The following ANTXR1 variants were observed in gnomAD, a reference collection of about 807,000 sequenced individuals.
ANTXR1 encodes the protein anthrax toxin receptor 1.
Under a neutral mutation model 78.1 loss-of-function variants are expected in ANTXR1, and 19 were observed. The observed-to-expected ratio is 0.24, with a 90% CI of 0.17 to 0.36. The LOEUF (loss-of-function observed/expected upper bound fraction) is 0.36, where lower values mean the gene tolerates loss of function less well. Ranked by LOEUF, ANTXR1 falls within the 10% of genes least tolerant of loss-of-function variation. The pLI is 1.00. For missense variants in ANTXR1, 518 were observed against 718.6 expected (o/e 0.72, Z 3.19); for synonymous variants, 273 against 260.5 (o/e 1.05, Z -0.46).
intron 12 of ANTXR1, among the ~76,000 whole-genome samples, chr2:69,144,970 G>A (rs1217828309): frequency 3.3e-5 from 5 of 152,192 alleles, no homozygotes; most frequent in Admixed American, 3.3e-4. Context: ...ACTGTCGTGG[G>A]GGCAATAAAG....
intron 14 of ANTXR1, among the ~76,000 whole-genome samples, chr2:69,176,158 T>C (rs1349579919): frequency 6.6e-6 from 1 of 151,134 alleles, no homozygotes; most frequent in African/African-American, 2.4e-5. Flanking sequence ...CCGTATTCTA[T>C]GTTTTAATAC....
intron 8 of ANTXR1, among the ~76,000 whole-genome samples, chr2:69,081,562 C>T (rs983120497): frequency 6.6e-6 from 1 of 152,156 alleles, no homozygotes; most frequent in Non-Finnish European, 1.5e-5. Context: ...TACTTTGGAA[C>T]CAGACATTAT....
At chr2:69,094,720 A>T (rs1240986547) in intron 9 of ANTXR1, among the ~76,000 whole-genome samples, 2 of 152,316 alleles carry the variant, frequency 1.3e-5, no homozygotes, top group East Asian at 3.9e-4. Context: ...CTGACAGCAA[A>T]CTGAGCTCTG....
intron 17 of ANTXR1, among the ~76,000 whole-genome samples, chr2:69,215,837 C>T (rs1168169780): frequency 6.6e-6 from 1 of 152,250 alleles, no homozygotes; most frequent in African/African-American, 2.4e-5. Context: ...TCAAATTCTT[C>T]ACTTGGCTAC....
intron 9 of ANTXR1, among the ~76,000 whole-genome samples, 199 bp downstream of exon 9, chr2:69,091,118 TAAAAAAA>T (rs199910182): frequency 7.2e-6 from 1 of 138,964 alleles, no homozygotes; most frequent in Non-Finnish European, 1.6e-5. Context: ...GTTTGGAAGT[TAAAAAAA>T]AAAAAAAAAA....
chr2:69,244,508 G>A (rs1384098148), intron 17 of ANTXR1, among the ~76,000 whole-genome samples: 1 of 152,200 alleles, frequency 6.6e-6, no homozygotes, highest in African/African-American at 2.4e-5. Context: ...TGAGGAAGCT[G>A]TATTGATCAC....
At chr2:69,233,312 A>G (rs549830236) in intron 17 of ANTXR1, among the ~76,000 whole-genome samples, 1 of 152,158 alleles carries the variant, frequency 6.6e-6, no homozygotes, top group South Asian at 2.1e-4. Flanking sequence ...GCTCACAACA[A>G]AAGAAACATG....
At chr2:69,142,206 G>A (rs1224025841) in intron 12 of ANTXR1, among the ~76,000 whole-genome samples, 1 of 152,178 alleles carries the variant, frequency 6.6e-6, no homozygotes, top group African/African-American at 2.4e-5. Flanking sequence ...AGACCATGGA[G>A]GGGAATTGAG....
intron 10 of ANTXR1, among the ~76,000 whole-genome samples, chr2:69,106,750 C>T (rs1671819741): frequency 6.6e-6 from 1 of 152,224 alleles, no homozygotes; most frequent in Non-Finnish European, 1.5e-5. Flanking sequence ...CTGTGGGAGT[C>T]TTCCACATAG....
At chr2:69,060,567 A>G (rs1670203832) in intron 3 of ANTXR1, among the ~76,000 whole-genome samples, 1 of 152,220 alleles carries the variant, frequency 6.6e-6, no homozygotes, top group Admixed American at 6.5e-5. Flanking sequence ...AGAAGGAGAG[A>G]GTATGGTGTA....
chr2:69,125,737 A>G (rs769711372), intron 12 of ANTXR1, among the ~76,000 whole-genome samples: 1 of 152,120 alleles, frequency 6.6e-6, no homozygotes, highest in Non-Finnish European at 1.5e-5. Flanking sequence ...GCTACTCAGG[A>G]GGCTGAGATG....
At chr2:69,159,475 T>C (rs908020958) in intron 13 of ANTXR1, among the ~76,000 whole-genome samples, 6 of 152,050 alleles carry the variant, frequency 3.9e-5, no homozygotes, top group African/African-American at 1.2e-4. Context: ...ACTACTAAAC[T>C]GTACACTTAA....
At chr2:69,062,242 T>C (rs1202693275) in intron 3 of ANTXR1, among the ~76,000 whole-genome samples, 1 of 152,198 alleles carries the variant, frequency 6.6e-6, no homozygotes, top group Admixed American at 6.5e-5. Context: ...CAGCCTAAGT[T>C]ATCCCCCCTC....
intron 17 of ANTXR1, among the ~76,000 whole-genome samples, chr2:69,229,758 GA>G (rs1368737434): frequency 6.2e-5 from 9 of 145,548 alleles, no homozygotes; most frequent in African/African-American, 2.3e-4. Context: ...TTTAATCTTA[GA>G]AAAGTGCATT....
intron 13 of ANTXR1, among the ~76,000 whole-genome samples, chr2:69,166,361 G>A (rs569306502): frequency 7.2e-5 from 11 of 152,274 alleles, no homozygotes; most frequent in African/African-American, 2.2e-4. Flanking sequence ...GCAGTTTCAA[G>A]AAATTCTCAG....
Position 69,096,257 on chromosome 2 carries a change from A to AAAGGAAGGAAGGAAGG in ANTXR1, c.703+5355_703+5370dup, listed in dbSNP as rs201497715. 2.6e-4 allele frequency among the ~76,000 whole-genome samples: 13 copies of AAAGGAAGGAAGGAAGG among 50,234 alleles called. 5 individuals carry two copies. Among genetic ancestry groups the AAAGGAAGGAAGGAAGG allele is most frequent in the Middle Eastern group, 7.5e-3 (1 of 134 alleles). The allele number at this position is 50,234 out of a possible 152,430, so 33.0% of individuals were successfully genotyped here. ...TGGGCAACAGAGCGAGACTCCGTCA[A>AAAGGAAGGAAGGAAGG]AAGGAAGGAAGGAAGGAAGGAAGGA... On this transcript the variant is annotated intron_variant, in intron 9 of 17. Coordinates refer to ENST00000303714, the MANE Select transcript of ANTXR1 (RefSeq NM_032208.3).
At chr2:69,040,692 C>A (rs185998819) in intron 2 of ANTXR1, among the ~76,000 whole-genome samples, 12 of 152,342 alleles carry the variant, frequency 7.9e-5, no homozygotes, top group Non-Finnish European at 1.3e-4. Context: ...CTGCAAATAT[C>A]ATGGGAGTCT....
chr2:69,024,996 G>T (rs1671300229), intron 1 of ANTXR1, among the ~76,000 whole-genome samples: 1 of 152,234 alleles, frequency 6.6e-6, no homozygotes, highest in South Asian at 2.1e-4. Context: ...GACCCTTATT[G>T]CTCAGGTCAC....
chr2:69,216,426 CATAT>C (rs1201606626), intron 17 of ANTXR1, among the ~76,000 whole-genome samples: 2 of 152,022 alleles, frequency 1.3e-5, no homozygotes, highest in Non-Finnish European at 1.5e-5. Context: ...CATATACATA[CATAT>C]ACACACATAC....
Sources: gnomAD v4.1 joint callset for allele counts (sites outside exome capture counted in the v4.1 genomes callset) on GRCh38, gnomAD v4.1.1 for gene constraint, MANE v1.5 for transcripts, NCBI Gene and HGNC (gene_info 2026-07-23, HGNC 2026-07-21) for gene names.